The following KDM8 variants were observed in gnomAD, a reference collection of about 807,000 sequenced individuals.
KDM8 encodes the protein lysine demethylase 8.
In KDM8, 35 loss-of-function variants were observed where a neutral mutation model predicts 46.9. That is an observed-to-expected ratio of 0.75 (90% confidence interval 0.57 to 0.99). The LOEUF is 0.99. Among genes scored for constraint, KDM8 ranks in the 50% least tolerant of loss-of-function variants. KDM8 has a pLI of 0.00. For missense variants in KDM8, 475 were observed against 537.0 expected, an observed-to-expected ratio of 0.88 and a Z score of 1.14; for synonymous variants, 232 against 227.7, an observed-to-expected ratio of 1.02 and a Z score of -0.17.
intron 1 of KDM8, among the ~76,000 whole-genome samples, chr16:27,207,861 A>G (rs982241228): frequency 1.3e-5 from 2 of 152,182 alleles, no homozygotes; most frequent in African/African-American, 4.8e-5. Flanking sequence ...CTGGGATTAT[A>G]GGTGCCCTGC....
chr16:27,203,950 C>T, intron 1 of KDM8: 3 of 612,744 alleles, frequency 4.9e-6, no homozygotes, highest in Non-Finnish European at 8.3e-6. Context: ...TTTAGCGGTT[C>T]TTGGCGTCGC....
At chr16:27,215,760 C>G (rs75919731) in intron 4 of KDM8, among the ~76,000 whole-genome samples, 185 bp from the exon 5 acceptor site, 2,366 of 152,130 alleles carry the variant, frequency 0.016, 65 homozygotes, top group African/African-American at 0.052. Flanking sequence ...AACTGGGTAC[C>G]CCGGTGCTGG....
At chr16:27,215,225 T>C (rs1482810553) in intron 4 of KDM8, among the ~76,000 whole-genome samples, 2 of 152,128 alleles carry the variant, frequency 1.3e-5, no homozygotes, top group African/African-American at 4.8e-5. Flanking sequence ...GGGAGTATAA[T>C]TCAGTGGGTT....
At position 27,221,138 on chromosome 16, in the gene KDM8, A is replaced by C; in HGVS notation, c.*408A>C. The C allele has an allele frequency of 2.9e-6, 1 of 344,890 alleles. No individual in the cohort carries two copies. The highest frequency in any genetic ancestry group is 5.7e-6 in the Non-Finnish European group (1 of 174,934). 21.4% of individuals were successfully genotyped at this position (344,890 alleles called of 1,614,324 possible). A position where few individuals can be genotyped will look rare whatever the true frequency, so the allele number is the denominator to read the frequency against. The stretch of plus-strand genomic sequence containing the variant: ...GCACCTGCTGGGTGACTTGGCCAGG[A>C]TCCCCCACTTCGCTGTGCCCATATG... On this transcript the variant is annotated 3_prime_UTR_variant, in exon 8 of 8. Coordinates refer to ENST00000286096, the MANE Select transcript of KDM8 (RefSeq NM_024773.3).
chr16:27,204,307 G>C, intron 1 of KDM8: 1 of 1,381,812 alleles, frequency 7.2e-7, no homozygotes, highest in East Asian at 3.0e-5. Flanking sequence ...AGGAGGACTC[G>C]GGAGCAAGCC....
intron 1 of KDM8, among the ~76,000 whole-genome samples, chr16:27,209,295 C>T (rs1050573197): frequency 2.0e-5 from 3 of 152,334 alleles, no homozygotes; most frequent in Middle Eastern, 3.4e-3. Context: ...GGCATGATCT[C>T]GGCTTACTGC....
rs762008589 is a variant in KDM8 at position 27,220,790 on chromosome 16, C to G, written c.*60C>G. 1.9e-6 allele frequency: 3 copies of G among 1,584,030 alleles called. No individual in the cohort carries two copies. Among genetic ancestry groups the G allele is most frequent in the Admixed American group, 3.3e-5 (2 of 59,960 alleles). On this transcript the variant is annotated 3_prime_UTR_variant, in exon 8 of 8. Transcript: ENST00000286096. ...CAGCATTCATCTGTTCACTAATTTCCTGGGTCCTGGAATCTATAGAGACAA... is the reference window on the plus strand; with the variant it reads ...CAGCATTCATCTGTTCACTAATTTCGTGGGTCCTGGAATCTATAGAGACAA...
rs143638765 is a variant in KDM8 at position 27,205,476 on chromosome 16, C to G, written c.-32+1840C>G. On this transcript the variant is annotated intron_variant, in intron 1 of 7. Coordinates refer to ENST00000286096, the MANE Select transcript of KDM8 (RefSeq NM_024773.3). ...GCTGTTCCAGGTTATGAGGCCAGTTCACAAAGCCAGGACATAAGCCCACTC... is the reference window on the plus strand; with the variant it reads ...GCTGTTCCAGGTTATGAGGCCAGTTGACAAAGCCAGGACATAAGCCCACTC... Among the ~76,000 whole-genome samples the G allele has an allele frequency of 1.3e-3, 193 of 152,270 alleles. 1 individual carries two copies. The highest frequency in any genetic ancestry group is 3.1e-4 in the Non-Finnish European group (21 of 68,022).
chr16:27,204,999 C>G (rs1350376196), intron 1 of KDM8, among the ~76,000 whole-genome samples: 1 of 152,170 alleles, frequency 6.6e-6, no homozygotes, highest in Non-Finnish European at 1.5e-5. Flanking sequence ...GCACTCCAGC[C>G]TGGGTGACAG....
chr16:27,210,192 G>C lies in KDM8; in HGVS notation c.69G>C (p.Arg23Ser), dbSNP rs765228055. 1 of 1,613,444 alleles carries C rather than the reference G, an allele frequency of 6.2e-7. No individual in the cohort carries two copies. The highest frequency in any genetic ancestry group is 1.1e-5 in the South Asian group (1 of 91,088). Residue 23 changes from arginine to serine, a missense_variant, in exon 2 of 8, where the codon AGG (arginine) becomes AGC (serine). Transcript: ENST00000286096. ...AAGGCACTTTATGGGAGGCCCTCAG[G>C]GCGCTCCTGCCGCACAGTAAAGAAG... ...AREGTLWEAL[R>S]ALLPHSKEDL...
intron 3 of KDM8, 29 bp from the exon 4 acceptor site, chr16:27,214,847 G>T: frequency 6.2e-7 from 1 of 1,613,420 alleles, no homozygotes; most frequent in South Asian, 1.1e-5. Flanking sequence ...TATTAGCAGT[G>T]ACGATGCCAA....
chr16:27,220,624 T>A lies in KDM8; in HGVS notation c.1145T>A (p.Leu382Gln). The A allele has an allele frequency of 6.2e-7, 1 of 1,614,170 alleles. No homozygotes were observed. ...KFPKFAKAPF[L>Q]SCILSPGEIL... ...CCCAAGTTTGCCAAGGCCCCATTCC[T>A]GTCCTGCATCCTGTCTCCTGGAGAG... The change falls in exon 8 of 8, where the codon CTG becomes CAG. Residue 382 changes from leucine to glutamine, a missense_variant. Coordinates refer to ENST00000286096, the MANE Select transcript of KDM8 (RefSeq NM_024773.3).
intron 3 of KDM8, chr16:27,214,609 GGCAA>G (rs1436257262): frequency 2.4e-6 from 1 of 425,006 alleles, no homozygotes; most frequent in African/African-American, 2.0e-5. Context: ...GGAGGCTGTT[GGCAA>G]GCAGGGAACT....
chr16:27,215,917 T>A, intron 4 of KDM8, 28 bp from the exon 5 acceptor site: 1 of 1,613,860 alleles, frequency 6.2e-7, no homozygotes, highest in Middle Eastern at 1.6e-4. Context: ...GCTTTCTGTG[T>A]TGCCTCTGGT....
chr16:27,207,228 C>T (rs1048406512), intron 1 of KDM8, among the ~76,000 whole-genome samples: 4 of 152,074 alleles, frequency 2.6e-5, no homozygotes, highest in Non-Finnish European at 5.9e-5. Flanking sequence ...GCCAACATGG[C>T]GAAACCCCGT....
intron 5 of KDM8, among the ~76,000 whole-genome samples, chr16:27,218,753 G>T (rs906568924): frequency 6.6e-6 from 1 of 152,138 alleles, no homozygotes; most frequent in African/African-American, 2.4e-5. Context: ...AGGCTGAGGT[G>T]GGGGGATCAC....
chr16:27,207,547 T>C (rs1447532772), intron 1 of KDM8, among the ~76,000 whole-genome samples: 1 of 152,216 alleles, frequency 6.6e-6, no homozygotes, highest in African/African-American at 2.4e-5. Context: ...GAATGCCACT[T>C]CACCATGCTG....
At position 27,210,394 on chromosome 16, in the gene KDM8, T is replaced by A. The variant is rs1475530477; in HGVS notation, c.271T>A (p.Trp91Arg). ...CACATGGCAGGACGTAGACAAAGACTGGCGCCGGGTCTACGCCATCGGCTG... is the reference window on the plus strand; with the variant it reads ...CACATGGCAGGACGTAGACAAAGACAGGCGCCGGGTCTACGCCATCGGCTG... The part of the protein sequence containing the change: ...TGTWQDVDKD[W>R]RRVYAIGCLL... Residue 91 changes from tryptophan to arginine, a missense_variant, in exon 2 of 8, where the codon TGG becomes AGG. Trp to Arg is a moderately radical substitution (Grantham distance 101). Transcript: ENST00000286096. 1.2e-6 allele frequency: 2 copies of A among 1,612,520 alleles called. No homozygotes were observed. Among genetic ancestry groups the A allele is most frequent in the Non-Finnish European group, 1.7e-6 (2 of 1,179,228 alleles).
Position 27,220,503 on chromosome 16 carries a change from G to A in KDM8, c.1086+18G>A. 1 of 1,614,042 alleles carries A rather than the reference G, an allele frequency of 6.2e-7. No individual in the cohort carries two copies. Among genetic ancestry groups the A allele is most frequent in the Non-Finnish European group, 8.5e-7 (1 of 1,179,886 alleles). ...CGAGCCAGGTGGGCACTGGGGGTCT[G>A]GGGTGACGTTGCAGGTTCTCCCCAC... On this transcript the variant is annotated intron_variant, in intron 7 of 7. Coordinates refer to ENST00000286096, the MANE Select transcript of KDM8 (RefSeq NM_024773.3).
Sources: allele counts gnomAD v4.1 joint callset (sites outside exome capture counted in the v4.1 genomes callset), GRCh38; gene constraint gnomAD v4.1.1; transcripts MANE v1.5; gene names NCBI Gene and HGNC (gene_info 2026-07-23, HGNC 2026-07-21).